Variants in TMEM108 observed in about 807,000 individuals in gnomAD.
The protein encoded by TMEM108 is transmembrane protein 108.
A neutral mutation model predicts 35.1 loss-of-function variants in TMEM108; 12 were observed. The ratio of observed to expected loss-of-function variants is 0.34; its 90% CI spans 0.22 to 0.55. The LOEUF is 0.55. Ranked by LOEUF, TMEM108 falls within the 20% of genes least tolerant of loss-of-function variation. The pLI is 0.89. For missense variants in TMEM108, 680 were observed against 753.3 expected (o/e 0.90, Z 1.14); for synonymous variants, 287 against 308.6 (o/e 0.93, Z 0.73).
At chr3:133,242,822 T>C (rs1946332134) in intron 3 of TMEM108, among the ~76,000 whole-genome samples, 1 of 152,192 alleles carries the variant, frequency 6.6e-6, no homozygotes. Flanking sequence ...CACACAACTA[T>C]TTTTCCACAG....
chr3:133,274,376 C>T (rs1315391748), intron 3 of TMEM108, among the ~76,000 whole-genome samples: 1 of 152,180 alleles, frequency 6.6e-6, no homozygotes, highest in Non-Finnish European at 1.5e-5. Flanking sequence ...TGCCTCAAAC[C>T]TTTCCTTTCT....
chr3:133,040,227 G>A (rs1344304347), intron 1 of TMEM108, among the ~76,000 whole-genome samples: 2 of 135,998 alleles, frequency 1.5e-5, no homozygotes, highest in South Asian at 2.4e-4. Context: ...TTTTTGAGAC[G>A]GAGTCTCCGT....
At chr3:133,320,093 A>G (rs977494958) in intron 3 of TMEM108, among the ~76,000 whole-genome samples, 1 of 152,122 alleles carries the variant, frequency 6.6e-6, no homozygotes, top group Non-Finnish European at 1.5e-5. Context: ...CATAGACTCC[A>G]TCTCCACATT....
At chr3:133,044,975 C>CA (rs1943318054) in intron 1 of TMEM108, among the ~76,000 whole-genome samples, 1 of 117,760 alleles carries the variant, frequency 8.5e-6, no homozygotes, top group African/African-American at 3.0e-5. Context: ...TTTTTTTTTT[C>CA]TTTTTTTTTT....
At chr3:133,169,511 T>A (rs891828849) in intron 2 of TMEM108, among the ~76,000 whole-genome samples, 3 of 152,264 alleles carry the variant, frequency 2.0e-5, no homozygotes, top group Non-Finnish European at 4.4e-5. Context: ...TGCAGATTTC[T>A]GAGCCTCAGC....
chr3:133,106,106 CTG>C (rs1389404463), intron 2 of TMEM108, among the ~76,000 whole-genome samples: 1 of 148,806 alleles, frequency 6.7e-6, no homozygotes, highest in African/African-American at 2.5e-5. Flanking sequence ...TATGGGAAGA[CTG>C]TGGGGAATAT....
intron 2 of TMEM108, among the ~76,000 whole-genome samples, chr3:133,124,489 T>C (rs547027141): frequency 1.3e-5 from 2 of 152,254 alleles, no homozygotes; most frequent in East Asian, 3.9e-4. Context: ...CTCAAGCCTG[T>C]GGACGTTTTT....
chr3:133,299,668 GTTC>G (rs1310356260), intron 3 of TMEM108, among the ~76,000 whole-genome samples: 2 of 152,110 alleles, frequency 1.3e-5, no homozygotes, highest in Non-Finnish European at 2.9e-5. Context: ...CAGGCCCACT[GTTC>G]TTCTTTGCTT....
chr3:133,255,407 C>T (rs1013827412), intron 3 of TMEM108, among the ~76,000 whole-genome samples: 1 of 152,118 alleles, frequency 6.6e-6, no homozygotes, highest in South Asian at 2.1e-4. Flanking sequence ...CAGTGGATGG[C>T]TTAACTAGCA....
At chr3:133,166,810 G>T (rs1429608441) in intron 2 of TMEM108, among the ~76,000 whole-genome samples, 1 of 152,202 alleles carries the variant, frequency 6.6e-6, no homozygotes, top group East Asian at 1.9e-4. Flanking sequence ...CCACAGTGTG[G>T]AAGGGCACCT....
intron 3 of TMEM108, among the ~76,000 whole-genome samples, chr3:133,368,465 T>TG (rs1399621558): frequency 7.2e-5 from 11 of 152,258 alleles, no homozygotes; most frequent in Middle Eastern, 6.8e-3. Context: ...GAGCTTACCA[T>TG]GGCGGGAGCA....
chr3:133,221,419 A>G (rs1246473506), intron 2 of TMEM108, among the ~76,000 whole-genome samples: 1 of 152,218 alleles, frequency 6.6e-6, no homozygotes, highest in African/African-American at 2.4e-5. Context: ...GCCAAGACCA[A>G]ATATTAGAAC....
intron 3 of TMEM108, among the ~76,000 whole-genome samples, chr3:133,358,907 T>G (rs1246848822): frequency 6.6e-6 from 1 of 152,112 alleles, no homozygotes; most frequent in East Asian, 1.9e-4. Flanking sequence ...GGGAAACACT[T>G]TGAAAACTTA....
At chr3:133,057,225 A>G (rs1338686602) in intron 2 of TMEM108, among the ~76,000 whole-genome samples, 1 of 151,966 alleles carries the variant, frequency 6.6e-6, no homozygotes, top group Non-Finnish European at 1.5e-5. Context: ...GCCATATGTG[A>G]AGTCTATAAA....
Position 133,144,291 on chromosome 3 carries a change from AG to A in TMEM108, c.-46-84973del. Among the ~76,000 whole-genome samples the A allele has an allele frequency of 1.3e-5, 2 of 152,268 alleles. 1 individual carries two copies. The highest frequency in any genetic ancestry group is 4.1e-4 in the South Asian group (2 of 4,830). ...TCTAGCTTCATCCATGTCCCTGCAA[AG>A]GACATGAACTCATCCTTTTTAATGG... On this transcript the variant is annotated intron_variant, in intron 2 of 5. Transcript: ENST00000321871.
At chr3:133,046,655 T>C (rs1235212272) in intron 2 of TMEM108, among the ~76,000 whole-genome samples, 5 of 152,224 alleles carry the variant, frequency 3.3e-5, no homozygotes, top group Admixed American at 6.5e-5. Context: ...TAACCAAAAC[T>C]GGTTTTGAAT....
At chr3:133,065,162 T>A (rs898038234) in intron 2 of TMEM108, among the ~76,000 whole-genome samples, 4 of 152,152 alleles carry the variant, frequency 2.6e-5, no homozygotes, top group Non-Finnish European at 5.9e-5. Context: ...AATGTGTATT[T>A]GTTGGATGGA....
At chr3:133,142,260 G>T (rs1291506062) in intron 2 of TMEM108, among the ~76,000 whole-genome samples, 1 of 152,152 alleles carries the variant, frequency 6.6e-6, no homozygotes, top group African/African-American at 2.4e-5. Flanking sequence ...GGATAATGTG[G>T]TAAAAGTTAA....
chr3:133,291,752 G>T (rs1047694224), intron 3 of TMEM108, among the ~76,000 whole-genome samples: 5 of 152,056 alleles, frequency 3.3e-5, no homozygotes, highest in African/African-American at 1.2e-4. Context: ...ATATTACGCT[G>T]CCTAAGATGC....
Sources: allele counts gnomAD v4.1 joint callset (sites outside exome capture counted in the v4.1 genomes callset), GRCh38; gene constraint gnomAD v4.1.1; transcripts MANE v1.5; gene names NCBI Gene and HGNC (gene_info 2026-07-23, HGNC 2026-07-21).